RBPJ: variants seen among roughly 807,000 people sequenced by gnomAD.
RBPJ encodes recombination signal binding protein for immunoglobulin kappa J region.
In RBPJ, 9 loss-of-function variants were observed where a neutral mutation model predicts 67.8. That is an observed-to-expected ratio of 0.13 (90% CI 0.08 to 0.23). The LOEUF is 0.23. Among genes scored for constraint, RBPJ ranks in the 10% least tolerant of loss-of-function variants. The probability of loss-of-function intolerance (pLI) is 1.00; values close to 1 mark genes in which losing one functional copy is unlikely to be tolerated. For synonymous variants in RBPJ, 198 were observed against 203.3 expected, an observed-to-expected ratio of 0.97 and a Z score of 0.22; for missense variants, 305 against 595.6, an observed-to-expected ratio of 0.51 and a Z score of 5.08.
intron 4 of RBPJ, among the ~76,000 whole-genome samples, chr4:26,417,609 T>A (rs1166461028): frequency 2.0e-5 from 3 of 152,162 alleles, no homozygotes; most frequent in Non-Finnish European, 4.4e-5. Context: ...TGGTGAGAGT[T>A]AGTAGAAGGC....
At chr4:26,180,626 T>C (rs73809226) in intron 1 of RBPJ, among the ~76,000 whole-genome samples, 4,360 of 152,320 alleles carry the variant, frequency 0.029, 225 homozygotes, top group African/African-American at 0.098. Context: ...GGTTTCACCC[T>C]TGTGACCTAA....
intron 1 of RBPJ, among the ~76,000 whole-genome samples, chr4:26,287,593 G>A (rs1442689489): frequency 1.0e-3 from 7 of 6,984 alleles, no homozygotes; most frequent in African/African-American, 5.4e-3. Flanking sequence ...GGAGAGGAGA[G>A]GGGAGGGGAG....
chr4:26,150,705 G>C, the RBPJ span, among the ~76,000 whole-genome samples: 1 of 152,150 alleles, frequency 6.6e-6, no homozygotes, highest in East Asian at 1.9e-4. Context: ...AGTCCATAGG[G>C]TACACAATGG....
At chr4:26,344,982 CA>C (rs1244420065) in intron 1 of RBPJ, among the ~76,000 whole-genome samples, 2 of 152,158 alleles carry the variant, frequency 1.3e-5, no homozygotes, top group African/African-American at 4.8e-5. Flanking sequence ...TATTTTTAAA[CA>C]TTTAAAAAAT....
chr4:26,212,561 C>A (rs1331893342), intron 1 of RBPJ, among the ~76,000 whole-genome samples: 1 of 150,138 alleles, frequency 6.7e-6, no homozygotes, highest in African/African-American at 2.4e-5. Context: ...TCTTTTTTCA[C>A]ATACTGCTTT....
chr4:26,184,384 G>A (rs1015248034), intron 1 of RBPJ, among the ~76,000 whole-genome samples: 2 of 152,014 alleles, frequency 1.3e-5, no homozygotes, highest in African/African-American at 2.4e-5. Context: ...GAGCAGGGTG[G>A]GGGCAGTGGA....
chr4:26,261,507 GGAA>G (rs1720536180), intron 1 of RBPJ, among the ~76,000 whole-genome samples: 1 of 152,160 alleles, frequency 6.6e-6, no homozygotes, highest in African/African-American at 2.4e-5. Flanking sequence ...CGGATAAAGG[GGAA>G]GAAGAGAGGG....
chr4:26,414,651 G>T (rs1435182075), intron 3 of RBPJ, among the ~76,000 whole-genome samples: 1 of 152,138 alleles, frequency 6.6e-6, no homozygotes, highest in Admixed American at 6.5e-5. Flanking sequence ...TGGATTGATG[G>T]TCTGAACTAT....
chr4:26,322,969 C>T (rs1723246103), intron 1 of RBPJ: 1 of 150,378 alleles, frequency 6.6e-6, no homozygotes, highest in African/African-American at 2.5e-5. Flanking sequence ...CCCATAAAAT[C>T]ATTTGGAGTG....
intron 1 of RBPJ, among the ~76,000 whole-genome samples, chr4:26,378,890 A>G (rs769989265): frequency 2.0e-5 from 3 of 151,908 alleles, no homozygotes; most frequent in East Asian, 1.9e-4. Flanking sequence ...GCTGGGCATA[A>G]TGGTGGGTGC....
chr4:26,255,984 A>C (rs893536342), intron 1 of RBPJ, among the ~76,000 whole-genome samples: 1 of 152,088 alleles, frequency 6.6e-6, no homozygotes, highest in Non-Finnish European at 1.5e-5. Context: ...TTCTATTTCC[A>C]TGGTTCATAC....
At chr4:26,124,987 T>C in the RBPJ span, among the ~76,000 whole-genome samples, 3 of 152,102 alleles carry the variant, frequency 2.0e-5, no homozygotes, top group Non-Finnish European at 2.9e-5. Context: ...CTGCCACCCC[T>C]AAGATGTTGT....
intron 2 of RBPJ, among the ~76,000 whole-genome samples, chr4:26,397,422 T>TA (rs35142730): frequency 1.6e-4 from 25 of 152,214 alleles, no homozygotes; most frequent in Admixed American, 1.2e-3. Context: ...AAGAATTTTA[T>TA]AAAAAAATTC....
chr4:26,230,894 T>C (rs934443342), intron 1 of RBPJ, among the ~76,000 whole-genome samples: 4 of 152,194 alleles, frequency 2.6e-5, no homozygotes, highest in African/African-American at 7.2e-5. Context: ...TCCACTGATA[T>C]ATTTTGACAT....
At chr4:26,410,652 T>C (rs1196657689) in intron 3 of RBPJ, among the ~76,000 whole-genome samples, 2 of 152,230 alleles carry the variant, frequency 1.3e-5, no homozygotes, top group Admixed American at 1.3e-4. Context: ...GTGAACTGAA[T>C]AATCATCAAA....
chr4:26,110,000 T>A, the RBPJ span, among the ~76,000 whole-genome samples: 1 of 152,058 alleles, frequency 6.6e-6, no homozygotes, highest in Non-Finnish European at 1.5e-5. Flanking sequence ...GATAATAAAA[T>A]GGTCTTCACA....
chr4:26,217,686 G>A (rs922274862), intron 1 of RBPJ, among the ~76,000 whole-genome samples: 1 of 152,092 alleles, frequency 6.6e-6, no homozygotes, highest in Admixed American at 6.6e-5. Context: ...GGGTGGAAAT[G>A]CTGCCCAGTT....
At chr4:26,112,567 T>TTA in the RBPJ span, 10 of 148,406 alleles carry the variant, frequency 6.7e-5, no homozygotes, top group Non-Finnish European at 8.9e-5. Flanking sequence ...TTTTTTTTTT[T>TTA]ACAAATAAGA....
intron 1 of RBPJ, among the ~76,000 whole-genome samples, chr4:26,180,457 C>T (rs1235721216): frequency 3.9e-5 from 6 of 152,060 alleles, no homozygotes; most frequent in Non-Finnish European, 5.9e-5. Context: ...ATTCTAGAGG[C>T]CAGAAAGTCT....
Sources: gnomAD v4.1 joint callset for allele counts (sites outside exome capture counted in the v4.1 genomes callset) on GRCh38, gnomAD v4.1.1 for gene constraint, MANE v1.5 for transcripts, NCBI Gene and HGNC (gene_info 2026-07-23, HGNC 2026-07-21) for gene names.